Variants in ADAMTSL1 observed in about 807,000 individuals in gnomAD.
ADAMTSL1 encodes the protein ADAMTS-like protein 1.
ADAMTSL1 carries 126 observed loss-of-function variants against 201.8 expected under a neutral mutation model. That is an observed-to-expected ratio of 0.62 (90% CI 0.54 to 0.72). The LOEUF (loss-of-function observed/expected upper bound fraction) is 0.72, where lower values mean the gene tolerates loss of function less well. ADAMTSL1 is among the 30% of genes least tolerant of loss of function. The pLI is 0.00. For missense variants in ADAMTSL1, 2,679 were observed against 2,277.8 expected (o/e 1.18, Z -3.59); for synonymous variants, 1,121 against 903.4 (o/e 1.24, Z -4.32).
chr9:18,690,905 A>G (rs1339587726), intron 13 of ADAMTSL1, among the ~76,000 whole-genome samples: 1 of 152,212 alleles, frequency 6.6e-6, no homozygotes, highest in Non-Finnish European at 1.5e-5. Flanking sequence ...CCTCCTAATG[A>G]TGGAAGCTAA....
intron 2 of ADAMTSL1, among the ~76,000 whole-genome samples, chr9:18,346,840 G>C (rs1054258051): frequency 1.3e-5 from 2 of 152,078 alleles, no homozygotes; most frequent in Non-Finnish European, 2.9e-5. Flanking sequence ...TTCTGAACTC[G>C]AAAGGCTCAA....
At chr9:18,776,026 C>T in intron 18 of ADAMTSL1, 130 bp downstream of exon 18, 1 of 1,255,472 alleles carries the variant, frequency 8.0e-7, no homozygotes, top group Non-Finnish European at 1.1e-6. Context: ...CCATGGAGGG[C>T]TGCAGGCAGG....
At chr9:18,002,983 G>A (rs1044330781) in intron 1 of ADAMTSL1, among the ~76,000 whole-genome samples, 2 of 152,016 alleles carry the variant, frequency 1.3e-5, no homozygotes, top group African/African-American at 4.8e-5. Flanking sequence ...CCAATACTCT[G>A]AATTGCTCAT....
intron 4 of ADAMTSL1, among the ~76,000 whole-genome samples, chr9:18,609,364 G>A (rs937925832): frequency 8.5e-6 from 1 of 117,514 alleles, no homozygotes; most frequent in Non-Finnish European, 1.9e-5. Flanking sequence ...CCTACCAGAG[G>A]TCATTTCCCA....
At chr9:17,978,117 C>A (rs978620546) in intron 1 of ADAMTSL1, among the ~76,000 whole-genome samples, 1 of 151,998 alleles carries the variant, frequency 6.6e-6, no homozygotes, top group Non-Finnish European at 1.5e-5. Context: ...TATAACTATA[C>A]TTCTGTTCTC....
intron 3 of ADAMTSL1, among the ~76,000 whole-genome samples, chr9:18,557,332 C>G (rs918678957): frequency 6.6e-6 from 1 of 151,906 alleles, no homozygotes; most frequent in African/African-American, 2.4e-5. Flanking sequence ...TCTCTTTCAC[C>G]CATAGACTTG....
intron 23 of ADAMTSL1, among the ~76,000 whole-genome samples, chr9:18,881,199 G>C (rs190750362): frequency 6.6e-6 from 1 of 152,270 alleles, no homozygotes; most frequent in African/African-American, 2.4e-5. Flanking sequence ...GTGTTCACTG[G>C]TGTAGCTCTT....
At chr9:18,165,231 A>C (rs1827581278) in intron 2 of ADAMTSL1, among the ~76,000 whole-genome samples, 1 of 151,914 alleles carries the variant, frequency 6.6e-6, no homozygotes, top group Non-Finnish European at 1.5e-5. Context: ...GCGAAATCTG[A>C]AATATTTTAG....
At chr9:18,032,691 CA>C (rs1821019388) in intron 1 of ADAMTSL1, among the ~76,000 whole-genome samples, 1 of 152,194 alleles carries the variant, frequency 6.6e-6, no homozygotes, top group African/African-American at 2.4e-5. Context: ...GGGCTCCGCA[CA>C]AGACCAAGCT....
chr9:18,811,075 C>G (rs900839635), intron 20 of ADAMTSL1, among the ~76,000 whole-genome samples: 4 of 138,904 alleles, frequency 2.9e-5, no homozygotes, highest in African/African-American at 1.1e-4. Flanking sequence ...AACAAAAGGA[C>G]TAGGAAAGGG....
In ADAMTSL1 at chr9:18,480,761, C is replaced by T. The variant is rs142669262; in HGVS notation, c.63+6466C>T. 2.0e-4 allele frequency among the ~76,000 whole-genome samples: 31 copies of T among 152,224 alleles called. 1 individual carries two copies. The highest frequency in any genetic ancestry group is 3.8e-4 in the Non-Finnish European group (26 of 68,008). On this transcript the variant is annotated intron_variant, in intron 1 of 28. Coordinates refer to ENST00000380548, the MANE Select transcript of ADAMTSL1 (RefSeq NM_001040272.6). Reference sequence around the variant, plus strand: ...CATTCTAATGGTGGTTTGATCTTTGCGGTTTGCAATTTACTGCATACCTGA... The same window carrying T: ...CATTCTAATGGTGGTTTGATCTTTGTGGTTTGCAATTTACTGCATACCTGA...
chr9:18,297,033 A>G (rs184224219), intron 2 of ADAMTSL1, among the ~76,000 whole-genome samples: 8 of 152,252 alleles, frequency 5.3e-5, no homozygotes, highest in Non-Finnish European at 8.8e-5. Flanking sequence ...AAAGAGATAC[A>G]TAAAAGTTAA....
intron 2 of ADAMTSL1, among the ~76,000 whole-genome samples, chr9:18,217,858 T>A (rs745484734): frequency 6.6e-6 from 1 of 152,080 alleles, no homozygotes; most frequent in African/African-American, 2.4e-5. Context: ...AAGTTGTTTT[T>A]TTTTTTCTGT....
Position 18,586,124 on chromosome 9 carries a change from A to G in ADAMTSL1, c.474+11858A>G, listed in dbSNP as rs188543931. On this transcript the variant is annotated intron_variant, in intron 4 of 28. Coordinates refer to ENST00000380548, the MANE Select transcript of ADAMTSL1 (RefSeq NM_001040272.6). ...CAAGAGAAAAAGATAAAAAGCATCCAAATAGGAAGAAAGGAAGTCACACTA... is the reference window on the plus strand; with the variant it reads ...CAAGAGAAAAAGATAAAAAGCATCCGAATAGGAAGAAAGGAAGTCACACTA... 1.4e-4 allele frequency among the ~76,000 whole-genome samples: 22 copies of G among 152,216 alleles called. No individual in the cohort carries two copies. In the East Asian group the frequency reaches 2.7e-3, roughly 19 times the overall value.
At chr9:17,913,418 T>A (rs1309647967) in intron 1 of ADAMTSL1, among the ~76,000 whole-genome samples, 1 of 152,194 alleles carries the variant, frequency 6.6e-6, no homozygotes, top group Non-Finnish European at 1.5e-5. Flanking sequence ...TCACATCCCT[T>A]GTAAGTTGGA....
intron 13 of ADAMTSL1, among the ~76,000 whole-genome samples, chr9:18,698,848 C>A (rs1831738661): frequency 6.6e-6 from 1 of 152,110 alleles, no homozygotes; most frequent in African/African-American, 2.4e-5. Flanking sequence ...ACCAATCTTC[C>A]CCCTGGCCTT....
chr9:18,591,129 C>G (rs558447866), intron 4 of ADAMTSL1, among the ~76,000 whole-genome samples: 2 of 152,010 alleles, frequency 1.3e-5, no homozygotes, highest in South Asian at 4.1e-4. Context: ...GTGGGGTGCC[C>G]TACTATTTTT....
chr9:18,362,163 C>G (rs928077934), intron 2 of ADAMTSL1: 2 of 152,160 alleles, frequency 1.3e-5, no homozygotes, highest in Non-Finnish European at 2.9e-5. Flanking sequence ...TAGATTCTCT[C>G]CCAGCTAAAA....
intron 2 of ADAMTSL1, among the ~76,000 whole-genome samples, chr9:18,331,915 G>A (rs1322913452): frequency 6.6e-6 from 1 of 152,106 alleles, no homozygotes; most frequent in Non-Finnish European, 1.5e-5. Flanking sequence ...GACAGGAGGG[G>A]AGAATATTAT....
Sources: gnomAD v4.1 joint callset for allele counts (sites outside exome capture counted in the v4.1 genomes callset) on GRCh38, gnomAD v4.1.1 for gene constraint, MANE v1.5 for transcripts, NCBI Gene and HGNC (gene_info 2026-07-23, HGNC 2026-07-21) for gene names.